Variants in NBAS observed in about 807,000 individuals in gnomAD.
The protein encoded by NBAS is NAG/BC035112 fusion.
In NBAS, 219 loss-of-function variants were observed where a neutral mutation model predicts 302.5. That is an observed-to-expected ratio of 0.72 (90% CI 0.65 to 0.81). NBAS has a LOEUF of 0.81. NBAS is among the 30% of genes least tolerant of loss of function. NBAS has a pLI of 0.00. For missense variants in NBAS, 2,932 were observed against 2,841.6 expected, an observed-to-expected ratio of 1.03 and a Z score of -0.72; for synonymous variants, 1,118 against 1,021.6, an observed-to-expected ratio of 1.09 and a Z score of -1.80.
chr2:15,347,451 T>C (rs999625963), intron 35 of NBAS, among the ~76,000 whole-genome samples: 1 of 152,240 alleles, frequency 6.6e-6, no homozygotes, highest in South Asian at 2.1e-4. Flanking sequence ...GATACTGTAA[T>C]ATAACTGACA....
chr2:15,330,525 A>G (rs1035432724), intron 36 of NBAS, 73 bp downstream of exon 36: 2 of 1,586,620 alleles, frequency 1.3e-6, no homozygotes, highest in African/African-American at 2.7e-5. Context: ...TAACAGTGAA[A>G]ACAACTGAAA....
At chr2:15,105,921 G>C in the NBAS span, among the ~76,000 whole-genome samples, 1 of 152,156 alleles carries the variant, frequency 6.6e-6, no homozygotes, top group Non-Finnish European at 1.5e-5. Context: ...CTATTTCAGA[G>C]ATTACGATTC....
chr2:14,787,909 C>CCTCT, the NBAS span, among the ~76,000 whole-genome samples: 1 of 152,230 alleles, frequency 6.6e-6, no homozygotes, highest in Admixed American at 6.5e-5. Context: ...TAACATCCTG[C>CCTCT]AGAGTGTTTT....
At chr2:15,036,750 G>A in the NBAS span, among the ~76,000 whole-genome samples, 1 of 152,138 alleles carries the variant, frequency 6.6e-6, no homozygotes, top group Non-Finnish European at 1.5e-5. Flanking sequence ...AGCTCCTCAG[G>A]TAGACAGGGC....
At chr2:14,944,287 G>C in the NBAS span, among the ~76,000 whole-genome samples, 1 of 151,866 alleles carries the variant, frequency 6.6e-6, no homozygotes, top group African/African-American at 2.4e-5. Context: ...CTGGGCGACA[G>C]AGTGAGACTC....
chr2:14,902,857 A>C, the NBAS span, among the ~76,000 whole-genome samples: 1 of 152,208 alleles, frequency 6.6e-6, no homozygotes. Context: ...CCACACAAAT[A>C]GTTATTATTA....
chr2:14,825,740 G>A, the NBAS span, among the ~76,000 whole-genome samples: 2 of 152,162 alleles, frequency 1.3e-5, no homozygotes, highest in African/African-American at 4.8e-5. Flanking sequence ...TAAATTGGGG[G>A]AAAGGTAGGG....
intron 35 of NBAS, among the ~76,000 whole-genome samples, chr2:15,341,711 C>T (rs189575479): frequency 2.0e-5 from 3 of 152,078 alleles, no homozygotes; most frequent in Non-Finnish European, 1.5e-5. Context: ...TAGTATAAAC[C>T]TTTGTGAAGA....
At chr2:15,039,839 G>C in the NBAS span, among the ~76,000 whole-genome samples, 8 of 152,324 alleles carry the variant, frequency 5.3e-5, no homozygotes, top group East Asian at 5.8e-4. Context: ...CTCCTGACTT[G>C]TCTTCATTCC....
intron 35 of NBAS, among the ~76,000 whole-genome samples, chr2:15,331,175 C>T (rs1289526840): frequency 2.0e-5 from 3 of 152,162 alleles, no homozygotes; most frequent in Admixed American, 6.5e-5. Context: ...AATAATGCCA[C>T]TGTGACCCAG....
intron 49 of NBAS, among the ~76,000 whole-genome samples, 173 bp downstream of exon 49, chr2:15,190,091 C>T (rs1036283780): frequency 3.9e-5 from 6 of 152,046 alleles, no homozygotes; most frequent in East Asian, 3.9e-4. Flanking sequence ...CAAGGAGAAA[C>T]GGAAAGACAT....
chr2:14,996,003 C>A, the NBAS span, among the ~76,000 whole-genome samples: 2 of 152,070 alleles, frequency 1.3e-5, no homozygotes, highest in Non-Finnish European at 2.9e-5. Context: ...GTACTCCCCA[C>A]CTCCAGCATC....
At chr2:14,781,312 C>T in the NBAS span, among the ~76,000 whole-genome samples, 1 of 152,188 alleles carries the variant, frequency 6.6e-6, no homozygotes, top group East Asian at 1.9e-4. Context: ...CATTAACTTG[C>T]TTACGCAAAT....
intron 25 of NBAS, among the ~76,000 whole-genome samples, chr2:15,414,764 G>A (rs773066981): frequency 6.6e-5 from 10 of 152,040 alleles, no homozygotes; most frequent in Non-Finnish European, 1.3e-4. Context: ...GGCCAACATG[G>A]TGAAACCCTG....
the NBAS span, among the ~76,000 whole-genome samples, chr2:15,089,718 T>C: frequency 1.3e-5 from 2 of 151,506 alleles, no homozygotes; most frequent in African/African-American, 2.4e-5. Context: ...CATTGCCTTT[T>C]AAAGGTTGAC....
chr2:15,541,648 A>G (rs1663827262), intron 6 of NBAS, among the ~76,000 whole-genome samples: 1 of 152,054 alleles, frequency 6.6e-6, no homozygotes, highest in Non-Finnish European at 1.5e-5. Context: ...GATACTGCAT[A>G]CATTCTGGAA....
the NBAS span, among the ~76,000 whole-genome samples, chr2:15,087,303 T>C: frequency 2.0e-5 from 3 of 152,168 alleles, no homozygotes; most frequent in African/African-American, 4.8e-5. Flanking sequence ...ACAGTTATTA[T>C]ATGTTGTTCT....
At chr2:15,511,674 T>C (rs1662151817) in intron 9 of NBAS, among the ~76,000 whole-genome samples, 1 of 152,220 alleles carries the variant, frequency 6.6e-6, no homozygotes, top group Admixed American at 6.5e-5. Context: ...AATAGATGTG[T>C]AGCCTCACCC....
chr2:15,540,998 A>G (rs915106883), intron 6 of NBAS, among the ~76,000 whole-genome samples: 8 of 152,150 alleles, frequency 5.3e-5, no homozygotes, highest in African/African-American at 1.7e-4. Flanking sequence ...TGCTGGAATT[A>G]CAGGCGTGAG....
Sources: allele counts gnomAD v4.1 joint callset (sites outside exome capture counted in the v4.1 genomes callset), GRCh38; gene constraint gnomAD v4.1.1; transcripts MANE v1.5; gene names NCBI Gene and HGNC (gene_info 2026-07-23, HGNC 2026-07-21).